Variants in RIN3 observed in about 807,000 individuals in gnomAD.
RIN3 encodes RAB5 interacting protein 3.
In RIN3, 54 loss-of-function variants were observed where a neutral mutation model predicts 76.3. The ratio of observed to expected loss-of-function variants is 0.71; its 90% CI spans 0.57 to 0.89. The LOEUF (loss-of-function observed/expected upper bound fraction) is 0.89, where lower values mean the gene tolerates loss of function less well. Ranked by LOEUF, RIN3 falls within the 40% of genes least tolerant of loss-of-function variation. The pLI, the probability that RIN3 is intolerant of heterozygous loss-of-function variation, is 0.00. For synonymous variants in RIN3, 576 were observed against 564.0 expected, an observed-to-expected ratio of 1.02 and a Z score of -0.30; for missense variants, 1,256 against 1,322.1, an observed-to-expected ratio of 0.95 and a Z score of 0.78.
chr14:92,565,291 A>G (rs920072885), intron 2 of RIN3, among the ~76,000 whole-genome samples: 3 of 152,132 alleles, frequency 2.0e-5, no homozygotes, highest in Non-Finnish European at 4.4e-5. Context: ...ATTCGTTCTC[A>G]GGGCCAGGAG....
intron 3 of RIN3, among the ~76,000 whole-genome samples, chr14:92,578,234 TAAAAAAAAAAAAAAAGA>T (rs1409778377): frequency 9.9e-6 from 1 of 100,896 alleles, no homozygotes; most frequent in African/African-American, 3.7e-5. Context: ...AGATCTGGCC[TAAAAAAAAAAAAAAAGA>T]AAAAAAAGAA....
intron 2 of RIN3, among the ~76,000 whole-genome samples, chr14:92,566,914 C>A (rs1301348284): frequency 6.6e-6 from 1 of 152,188 alleles, no homozygotes; most frequent in Non-Finnish European, 1.5e-5. Context: ...AGGGAAGGAG[C>A]TGTTGCAGGT....
chr14:92,640,683 C>T (rs112820837), intron 4 of RIN3, among the ~76,000 whole-genome samples: 5 of 99,034 alleles, frequency 5.0e-5, no homozygotes, highest in African/African-American at 7.4e-5. Context: ...CCTGACTGTG[C>T]GTTTGCTGGG....
chr14:92,650,033 C>T (rs1566885665), intron 5 of RIN3, among the ~76,000 whole-genome samples: 1 of 152,242 alleles, frequency 6.6e-6, no homozygotes, highest in Non-Finnish European at 1.5e-5. Flanking sequence ...CCTGATAGTG[C>T]CCACCTCTTA....
chr14:92,538,757 T>C (rs1897067339), intron 1 of RIN3, among the ~76,000 whole-genome samples: 2 of 152,152 alleles, frequency 1.3e-5, no homozygotes, highest in African/African-American at 4.8e-5. Context: ...GAAACTTTAT[T>C]TTTCAAAGTT....
rs565297689 is a variant in RIN3 at position 92,555,795 on chromosome 14, A to G, written c.89A>G (p.Asp30Gly). Reference sequence around the variant, plus strand: ...AAAGGAGAGGAAGAGGAAGAGGAAGATGGCATGCGGCTTTGTCTGCCAGCC... The same window carrying G: ...AAAGGAGAGGAAGAGGAAGAGGAAGGTGGCATGCGGCTTTGTCTGCCAGCC... ...VGKGEEEEEE[D>G]GMRLCLPANP... Residue 30 changes from aspartate (D) to glycine (G), a missense_variant, in exon 2 of 10, where the codon GAT becomes GGT. By Grantham distance (94) the Asp-to-Gly change is moderately conservative. This residue lies in a region of RIN3 where 610 missense variants were observed against 626.4 expected (regional missense o/e 0.97). Coordinates refer to ENST00000216487, the MANE Select transcript of RIN3 (RefSeq NM_024832.5). The G allele has an allele frequency of 1.9e-6, 3 of 1,614,134 alleles. 1 individual carries two copies. Among genetic ancestry groups the G allele is most frequent in the African/African-American group, 2.7e-5 (2 of 75,004 alleles).
chr14:92,633,529 C>T (rs559457651), intron 4 of RIN3, among the ~76,000 whole-genome samples: 10 of 152,278 alleles, frequency 6.6e-5, no homozygotes, highest in Admixed American at 5.2e-4. Context: ...GATATATAGC[C>T]GGCCAGTCAG....
rs200650571 is a variant in RIN3, at chr14:92,564,812, A to ACG, written c.249+8861_249+8862dup. Among the ~76,000 whole-genome samples, 331 of 152,238 alleles carry ACG rather than the reference A, an allele frequency of 2.2e-3. 4 individuals carry two copies. The highest frequency in any genetic ancestry group is 0.022 in the East Asian group (112 of 5,172). ...CAGTGAGGGATGAAAAATGGAGGAA[A>ACG]CGCGCACACACACGCGCGCGCGCAG... is the stretch of plus-strand genomic sequence containing the variant. On this transcript the variant is annotated intron_variant, in intron 2 of 9. Coordinates refer to ENST00000216487, the MANE Select transcript of RIN3 (RefSeq NM_024832.5).
At chr14:92,659,528 C>T in intron 7 of RIN3, 59 bp downstream of exon 7, 1 of 1,458,148 alleles carries the variant, frequency 6.9e-7, no homozygotes, top group African/African-American at 1.4e-5. Context: ...GGTCCATGAC[C>T]CCACCCTGAC....
chr14:92,557,007 A>G (rs1160499352), intron 2 of RIN3, among the ~76,000 whole-genome samples: 3 of 152,068 alleles, frequency 2.0e-5, no homozygotes, highest in African/African-American at 7.3e-5. Flanking sequence ...ATTCAAAACA[A>G]AGCCCTACAC....
chr14:92,546,818 T>A (rs1245681958), intron 1 of RIN3, among the ~76,000 whole-genome samples: 1 of 151,922 alleles, frequency 6.6e-6, no homozygotes. Context: ...CCTGGTGGAC[T>A]AGGTTGGCCA....
intron 6 of RIN3, 83 bp from the exon 7 acceptor site, chr14:92,659,078 T>G: frequency 7.5e-7 from 1 of 1,337,564 alleles, no homozygotes; most frequent in Non-Finnish European, 1.1e-6. Context: ...GGGATGGGGA[T>G]GGCTGTGCTG....
At chr14:92,622,897 T>TGTTCC (rs1886233897) in intron 4 of RIN3, among the ~76,000 whole-genome samples, 1 of 152,180 alleles carries the variant, frequency 6.6e-6, no homozygotes, top group Non-Finnish European at 1.5e-5. Context: ...ATACATGTTC[T>TGTTCC]GCTTTAAACC....
intron 2 of RIN3, among the ~76,000 whole-genome samples, chr14:92,559,205 C>G (rs904915559): frequency 6.6e-6 from 1 of 152,120 alleles, no homozygotes; most frequent in Non-Finnish European, 1.5e-5. Context: ...TGACTCTTGC[C>G]AGAAACAGTC....
At position 92,513,915 on chromosome 14, in the gene RIN3, C is replaced by T. The variant is rs1203625169; in HGVS notation, c.-18C>T. On this transcript the variant is annotated 5_prime_UTR_variant, in exon 1 of 10. Coordinates refer to ENST00000216487, the MANE Select transcript of RIN3 (RefSeq NM_024832.5). ...GCGCCTGAGCGCCTCCGTTCCCCGTCCCGGAGCTGCCGGCGGCATGATCCG... is the reference window on the plus strand; with the variant it reads ...GCGCCTGAGCGCCTCCGTTCCCCGTTCCGGAGCTGCCGGCGGCATGATCCG... 1.6e-6 allele frequency: 2 copies of T among 1,251,870 alleles called. No individual in the cohort carries two copies. Among genetic ancestry groups the T allele is most frequent in the African/African-American group, 1.6e-5 (1 of 64,258 alleles). The allele number at this position is 1,251,870 out of a possible 1,614,324, so 77.5% of individuals were successfully genotyped here.
intron 1 of RIN3, among the ~76,000 whole-genome samples, chr14:92,518,630 G>A (rs1372407445): frequency 2.6e-5 from 4 of 152,210 alleles, no homozygotes; most frequent in African/African-American, 9.7e-5. Context: ...ACTTGTCAGG[G>A]AGAAAGGATG....
At chr14:92,601,729 C>A (rs948794954) in intron 3 of RIN3, among the ~76,000 whole-genome samples, 2 of 152,180 alleles carry the variant, frequency 1.3e-5, no homozygotes, top group South Asian at 4.1e-4. Context: ...CAGGGTGGCA[C>A]CTTTACCCAG....
chr14:92,551,119 A>C (rs1366525719), intron 1 of RIN3, among the ~76,000 whole-genome samples: 1 of 152,186 alleles, frequency 6.6e-6, no homozygotes, highest in Non-Finnish European at 1.5e-5. Context: ...ATTATCTTTT[A>C]TAGTTTTGGT....
At chr14:92,540,347 C>T (rs532314469) in intron 1 of RIN3, among the ~76,000 whole-genome samples, 296 of 152,314 alleles carry the variant, frequency 1.9e-3, no homozygotes, top group Non-Finnish European at 3.2e-3. Flanking sequence ...TTCCCCACCT[C>T]CTAATGGAAG....
Sources: allele counts gnomAD v4.1 joint callset (sites outside exome capture counted in the v4.1 genomes callset), GRCh38; gene constraint gnomAD v4.1.1; regional missense constraint gnomAD v4.1.1; transcripts MANE v1.5; gene names NCBI Gene and HGNC (gene_info 2026-07-23, HGNC 2026-07-21).